The following FBXL20 variants were observed in gnomAD, a reference collection of about 807,000 sequenced individuals.
FBXL20 encodes the protein F-box/LRR-repeat protein 20.
A neutral mutation model predicts 64.0 loss-of-function variants in FBXL20; 11 were observed. The ratio of observed to expected loss-of-function variants is 0.17; its 90% CI spans 0.11 to 0.28. FBXL20 has a LOEUF of 0.28. Among genes scored for constraint, FBXL20 ranks in the 10% least tolerant of loss-of-function variants. FBXL20 has a pLI of 1.00. For synonymous variants in FBXL20, 184 were observed against 189.0 expected (o/e 0.97, Z 0.22); for missense variants, 303 against 526.2 (o/e 0.58, Z 4.15).
chr17:39,305,229 A>G (rs1002168996), intron 2 of FBXL20, among the ~76,000 whole-genome samples: 5 of 152,266 alleles, frequency 3.3e-5, no homozygotes, highest in African/African-American at 1.2e-4. Context: ...CTAATTTAAT[A>G]AATTACAAGA....
At chr17:39,271,587 G>A (rs1485810063) in intron 10 of FBXL20, among the ~76,000 whole-genome samples, 2 of 106,864 alleles carry the variant, frequency 1.9e-5, no homozygotes, top group East Asian at 5.8e-4. Context: ...GACAGAGCAA[G>A]GCTCCGACTC....
In FBXL20 at chr17:39,253,111, G is replaced by C. The variant is rs1222086740; in HGVS notation, c.*8349C>G. 6.5e-6 allele frequency: 1 copy of C among 152,916 alleles called. No homozygotes were observed. The highest frequency in any genetic ancestry group is 1.5e-5 in the Non-Finnish European group (1 of 68,556). 9.5% of individuals were successfully genotyped at this position (152,916 alleles called of 1,614,324 possible). ...CCACCTCTGCATTTTACCCCCTCAGGGGAGTGAGTGGGGGTGCGGGGTGCA... is the reference window on the plus strand; with the variant it reads ...CCACCTCTGCATTTTACCCCCTCAGCGGAGTGAGTGGGGGTGCGGGGTGCA... On this transcript the variant is annotated 3_prime_UTR_variant, in exon 15 of 15. Coordinates refer to ENST00000264658, the MANE Select transcript of FBXL20 (RefSeq NM_032875.3).
At position 39,297,145 on chromosome 17, in the gene FBXL20, C is replaced by T. The variant is rs749590941; in HGVS notation, c.380G>A (p.Cys127Tyr). ...RNIEVLNLNG[C>Y]TKTTDATCTS... ...TACTTACGCGTCTGTTGTCTTTGTA[C>T]ACCCATTTAGATTCAGTACTTCAAT... The change falls in exon 6 of 15, where the codon TGT becomes TAT. Residue 127 changes from cysteine to tyrosine, a missense_variant. Transcript: ENST00000264658. 6.2e-7 allele frequency: 1 copy of T among 1,609,202 alleles called. No homozygotes were observed. The highest frequency in any genetic ancestry group is 1.7e-5 in the Admixed American group (1 of 59,934).
intron 2 of FBXL20, among the ~76,000 whole-genome samples, chr17:39,317,701 G>GTTTTTTTTTTTTTTTTTTTTTTTTTTTT (rs1238194174): frequency 4.5e-5 from 2 of 44,284 alleles, no homozygotes; most frequent in Non-Finnish European, 4.5e-5. Flanking sequence ...TTTTTTTTTT[G>GTTTTTTTTTTTTTTTTTTTTTTTTTTTT]TTTTTTTTTT....
At chr17:39,334,609 T>C (rs1234773077) in intron 2 of FBXL20, among the ~76,000 whole-genome samples, 2 of 152,038 alleles carry the variant, frequency 1.3e-5, no homozygotes, top group Non-Finnish European at 2.9e-5. Context: ...ACCAGAAGAG[T>C]TGAAAAAATG....
Position 39,346,156 on chromosome 17 carries a change from G to GA in FBXL20, c.43-2916dup, listed in dbSNP as rs1289913590. ...GGGCAATATAGTGAGATCTCATCTT[G>GA]AAAAAAGATGTAAAAAGATTTATAA... On this transcript the variant is annotated intron_variant, in intron 1 of 14. Transcript: ENST00000264658. 9.9e-5 allele frequency among the ~76,000 whole-genome samples: 15 copies of GA among 151,706 alleles called. 1 individual carries two copies. Among genetic ancestry groups the GA allele is most frequent in the Admixed American group, 9.2e-4 (14 of 15,214 alleles).
intron 6 of FBXL20, among the ~76,000 whole-genome samples, chr17:39,286,571 G>T (rs949087422): frequency 1.3e-5 from 2 of 152,100 alleles, no homozygotes; most frequent in African/African-American, 2.4e-5. Flanking sequence ...GGCTGAGGTG[G>T]GTGGATCACC....
chr17:39,297,339 C>G (rs963222287), intron 5 of FBXL20, 144 bp from the exon 6 acceptor site: 11 of 461,594 alleles, frequency 2.4e-5, no homozygotes, highest in African/African-American at 2.2e-4. Flanking sequence ...TGTATTTGGT[C>G]TTCATCTTCG....
At chr17:39,371,186 G>A (rs1246800874) in intron 1 of FBXL20, among the ~76,000 whole-genome samples, 1 of 152,160 alleles carries the variant, frequency 6.6e-6, no homozygotes, top group Non-Finnish European at 1.5e-5. Context: ...CCTGGGCAAT[G>A]AGGGCGAAAC....
rs1409100754 is a variant in FBXL20 at position 39,256,133 on chromosome 17, C to T, written c.*5327G>A. 1 of 152,030 alleles carries T rather than the reference C, an allele frequency of 6.6e-6. No individual in the cohort carries two copies. Among genetic ancestry groups the T allele is most frequent in the Non-Finnish European group, 1.5e-5 (1 of 68,042 alleles). The allele number at this position is 152,030 out of a possible 1,614,324, so 9.4% of individuals were successfully genotyped here. On this transcript the variant is annotated 3_prime_UTR_variant, in exon 15 of 15. Coordinates refer to ENST00000264658, the MANE Select transcript of FBXL20 (RefSeq NM_032875.3). ...GTCAGAAGTTCGAGACTAGCCTGGC[C>T]AACATGGCAAAACCCCATCTCTATG...
chr17:39,348,681 T>C (rs2047657995), intron 1 of FBXL20, among the ~76,000 whole-genome samples: 1 of 152,158 alleles, frequency 6.6e-6, no homozygotes, highest in Non-Finnish European at 1.5e-5. Context: ...AGGCAGTAAT[T>C]CACAAAGTTG....
intron 1 of FBXL20, among the ~76,000 whole-genome samples, chr17:39,390,405 A>G (rs571589432): frequency 6.6e-6 from 1 of 152,188 alleles, no homozygotes; most frequent in East Asian, 1.9e-4. Flanking sequence ...TACTAAAAAT[A>G]CAAAAATTAG....
chr17:39,398,040 C>CGGGGGGGGGGGGGGGGGGGGGGGGGGGG (rs56842905), intron 1 of FBXL20, among the ~76,000 whole-genome samples: 1 of 56,678 alleles, frequency 1.8e-5, no homozygotes, highest in Admixed American at 1.6e-4. Context: ...GGCCGGCGGG[C>CGGGGGGGGGGGGGGGGGGGGGGGGGGGG]GGGGGGGGGG....
intron 2 of FBXL20, among the ~76,000 whole-genome samples, chr17:39,336,368 AAAAGACAC>A: frequency 6.6e-6 from 1 of 152,216 alleles, no homozygotes; most frequent in East Asian, 1.9e-4. Context: ...ACAGAAACTC[AAAAGACAC>A]ACACAAATTT....
intron 6 of FBXL20, among the ~76,000 whole-genome samples, chr17:39,287,203 G>A (rs932899377): frequency 1.3e-5 from 2 of 151,800 alleles, no homozygotes; most frequent in African/African-American, 4.8e-5. Flanking sequence ...GAGCCACCAC[G>A]CCCGGCCTTG....
intron 1 of FBXL20, among the ~76,000 whole-genome samples, chr17:39,388,542 G>A (rs1597836526): frequency 6.7e-6 from 1 of 149,084 alleles, no homozygotes; most frequent in East Asian, 2.0e-4. Flanking sequence ...GGAGTGCAAT[G>A]GCGTAATCTC....
chr17:39,398,040 CGG>C (rs56842905), intron 1 of FBXL20, among the ~76,000 whole-genome samples: 95 of 56,586 alleles, frequency 1.7e-3, no homozygotes, highest in African/African-American at 4.2e-3. Flanking sequence ...GGCCGGCGGG[CGG>C]GGGGGGGGGG....
At chr17:39,350,408 G>A (rs2047676585) in intron 1 of FBXL20, among the ~76,000 whole-genome samples, 1 of 151,464 alleles carries the variant, frequency 6.6e-6, no homozygotes, top group Admixed American at 6.6e-5. Context: ...AGAATCGCTT[G>A]AACCTGGAAG....
chr17:39,327,526 A>G (rs1027752592), intron 2 of FBXL20, among the ~76,000 whole-genome samples: 1 of 152,126 alleles, frequency 6.6e-6, no homozygotes, highest in Non-Finnish European at 1.5e-5. Flanking sequence ...CTTATGTAAC[A>G]GGATTATCAT....
Sources: allele counts gnomAD v4.1 joint callset (sites outside exome capture counted in the v4.1 genomes callset), GRCh38; gene constraint gnomAD v4.1.1; transcripts MANE v1.5; gene names NCBI Gene and HGNC (gene_info 2026-07-23, HGNC 2026-07-21).